The following PCNX2 variants were observed in gnomAD, a reference collection of about 807,000 sequenced individuals.
The protein encoded by PCNX2 is pecanex 2.
A neutral mutation model predicts 223.8 loss-of-function variants in PCNX2; 168 were observed. The ratio of observed to expected loss-of-function variants is 0.75; its 90% CI spans 0.66 to 0.85. PCNX2 has a LOEUF of 0.85. PCNX2 is among the 40% of genes least tolerant of loss of function. The pLI is 0.00. For synonymous variants in PCNX2, 1,006 were observed against 1,052.6 expected (o/e 0.96, Z 0.86); for missense variants, 2,507 against 2,675.5 (o/e 0.94, Z 1.39).
chr1:233,049,489 A>G (rs1368847964), intron 25 of PCNX2, among the ~76,000 whole-genome samples: 2 of 152,168 alleles, frequency 1.3e-5, no homozygotes, highest in Non-Finnish European at 2.9e-5. Context: ...ATACACCTCA[A>G]AATAATAAGA....
chr1:233,134,742 G>A (rs1418565538), intron 21 of PCNX2: 1 of 512,722 alleles, frequency 2.0e-6, no homozygotes, highest in African/African-American at 2.0e-5. Context: ...CTTACAATGA[G>A]ATTGTTAACA....
chr1:233,300,831 G>T, the PCNX2 span, among the ~76,000 whole-genome samples: 2 of 152,150 alleles, frequency 1.3e-5, no homozygotes, highest in Non-Finnish European at 2.9e-5. Context: ...GGTGTGCCCT[G>T]CCCACTGAGA....
chr1:233,108,413 T>C (rs1012474690), intron 21 of PCNX2, among the ~76,000 whole-genome samples: 1 of 152,084 alleles, frequency 6.6e-6, no homozygotes, highest in Non-Finnish European at 1.5e-5. Flanking sequence ...TTTTGGCCAG[T>C]GGAATCGATG....
In PCNX2 at chr1:233,227,361, T is replaced by C. The variant is rs1657802793; in HGVS notation, c.2369A>G (p.Gln790Arg). Residue 790 changes from glutamine to arginine, a missense_variant, in exon 10 of 34, where the codon CAG becomes CGG. Transcript: ENST00000258229. ...TQSETPRHVS[Q>R]DLEASSCSST... Reference sequence around the variant, plus strand: ...AGAACATGACGAGGCTTCCAGATCCTGACTCACATGCTTTTAGATACCAAA... The same window carrying C: ...AGAACATGACGAGGCTTCCAGATCCCGACTCACATGCTTTTAGATACCAAA... 7.4e-6 allele frequency: 12 copies of C among 1,612,758 alleles called. No homozygotes were observed. The highest frequency in any genetic ancestry group is 1.0e-5 in the Non-Finnish European group (12 of 1,179,342).
chr1:233,200,575 G>C (rs1274747442), intron 13 of PCNX2, among the ~76,000 whole-genome samples: 1 of 151,914 alleles, frequency 6.6e-6, no homozygotes, highest in Non-Finnish European at 1.5e-5. Context: ...AAGAAGTACT[G>C]ATGAAAGGAA....
intron 12 of PCNX2, chr1:233,211,660 G>T: frequency 2.1e-6 from 1 of 476,216 alleles, no homozygotes; most frequent in Non-Finnish European, 2.7e-6. Flanking sequence ...CAGCATGGCA[G>T]AGTAAGGACT....
chr1:233,259,941 A>G, intron 4 of PCNX2: 2 of 511,166 alleles, frequency 3.9e-6, no homozygotes, highest in East Asian at 1.5e-4. Flanking sequence ...TGTATTAGGT[A>G]TTATAAATAA....
Position 233,258,104 on chromosome 1 carries a change from A to G in PCNX2, c.1758T>C (p.Ile586=). The G allele has an allele frequency of 3.1e-6, 5 of 1,613,910 alleles. No homozygotes were observed. Among genetic ancestry groups the G allele is most frequent in the Non-Finnish European group, 4.2e-6 (5 of 1,179,832 alleles). Residue 586 remains isoleucine (I), a synonymous_variant, in exon 5 of 34, where the codon ATT becomes ATC. Transcript: ENST00000258229. ...TGGATGCCGTCATCTTGGAAGTATT[A>G]ATGGATTCTAACAGGGAGACAAATT... The part of the protein sequence containing the change: ...FLEFVSLLES[I]NTSKMTASSQ...
intron 9 of PCNX2, among the ~76,000 whole-genome samples, chr1:233,228,244 T>A (rs959435061): frequency 1.3e-5 from 2 of 152,162 alleles, no homozygotes; most frequent in Non-Finnish European, 1.5e-5. Flanking sequence ...CAGCTCCTCC[T>A]TCATTGTTTG....
rs1168909159 is a variant in PCNX2 at position 232,991,066 on chromosome 1, G to A, written c.5792-4526C>T. ...TCCACCGTGGGCTGCACTGTCCTAGGTGCCGGGCAGTGAGCAGCTCATGGG... is the reference window on the plus strand; with the variant it reads ...TCCACCGTGGGCTGCACTGTCCTAGATGCCGGGCAGTGAGCAGCTCATGGG... On this transcript the variant is annotated intron_variant, in intron 32 of 33. Transcript: ENST00000258229. This position sits in a 1 kb window ranked among gnomAD's most constrained non-coding sequence, Gnocchi z 4.3. 6.6e-6 allele frequency among the ~76,000 whole-genome samples: 1 copy of A among 152,194 alleles called. No homozygotes were observed. The highest frequency in any genetic ancestry group is 2.4e-5 in the African/African-American group (1 of 41,446).
chr1:233,139,744 A>G lies in PCNX2; in HGVS notation c.3629T>C (p.Leu1210Ser). ...ILNALTIDAF[L>S]ISNHRRLGTH... ...ACCAAGTCTCCGGTGATTGCTTATT[A>G]AAAATGCATCAATAGTGAGGGCATT... Residue 1210 changes from leucine to serine, a missense_variant, in exon 20 of 34, where the codon TTA becomes TCA. By Grantham distance (145) the Leu-to-Ser change is moderately radical. This residue lies in a region of PCNX2 where 1,372 missense variants were observed against 1,509.4 expected (regional missense o/e 0.91). Coordinates refer to ENST00000258229, the MANE Select transcript of PCNX2 (RefSeq NM_014801.4). The surrounding 1 kb of genome is among the most constrained non-coding windows in gnomAD (Gnocchi z 4.4). 6.2e-7 allele frequency: 1 copy of G among 1,608,458 alleles called. No individual in the cohort carries two copies. Among genetic ancestry groups the G allele is most frequent in the Non-Finnish European group, 8.5e-7 (1 of 1,177,036 alleles).
intron 8 of PCNX2, among the ~76,000 whole-genome samples, chr1:233,247,964 T>G (rs1572147984): frequency 6.6e-6 from 1 of 151,006 alleles, no homozygotes; most frequent in East Asian, 1.9e-4. Context: ...CAACACCCTG[T>G]CAAATAATGC....
the PCNX2 span, among the ~76,000 whole-genome samples, chr1:233,325,097 CTTA>C: frequency 2.0e-5 from 3 of 152,086 alleles, no homozygotes; most frequent in Non-Finnish European, 2.9e-5. Flanking sequence ...ACTTTTAAGT[CTTA>C]TTATTTAAGA....
intron 15 of PCNX2, among the ~76,000 whole-genome samples, chr1:233,187,637 C>T (rs758238580): frequency 6.6e-5 from 10 of 152,018 alleles, no homozygotes; most frequent in Non-Finnish European, 1.3e-4. Context: ...TGTTTTTTCC[C>T]CAAATCAGTG....
chr1:233,260,850 A>C (rs1660004260), intron 4 of PCNX2, among the ~76,000 whole-genome samples: 1 of 152,144 alleles, frequency 6.6e-6, no homozygotes, highest in Admixed American at 6.5e-5. Flanking sequence ...AAAATTGTTT[A>C]AGTTAAAAGA....
rs544519279 is a variant in PCNX2, at chr1:233,242,823, C to G, written c.2223-5843G>C. Among the ~76,000 whole-genome samples, 186 of 152,306 alleles carry G rather than the reference C, an allele frequency of 1.2e-3. 1 individual carries two copies. Among genetic ancestry groups the G allele is most frequent in the African/African-American group, 4.2e-3 (174 of 41,564 alleles). Reference sequence around the variant, plus strand: ...TAGGCAGATTAGCAATTCCAACTTTCTGGGCAAATTAGTTCATTTTGGCTC... The same window carrying G: ...TAGGCAGATTAGCAATTCCAACTTTGTGGGCAAATTAGTTCATTTTGGCTC... On this transcript the variant is annotated intron_variant, in intron 8 of 33. Coordinates refer to ENST00000258229, the MANE Select transcript of PCNX2 (RefSeq NM_014801.4).
chr1:233,299,559 G>GT (rs1456571452), upstream of PCNX2, among the ~76,000 whole-genome samples: 1 of 152,192 alleles, frequency 6.6e-6, no homozygotes, highest in Non-Finnish European at 1.5e-5. Flanking sequence ...AAGTAGTATT[G>GT]TTAGAAGCCA....
intron 15 of PCNX2, among the ~76,000 whole-genome samples, chr1:233,183,554 G>A (rs1404550937): frequency 6.6e-6 from 1 of 152,204 alleles, no homozygotes; most frequent in Non-Finnish European, 1.5e-5. Context: ...TCCTGACTAT[G>A]TGCTTCTCAT....
intron 23 of PCNX2, among the ~76,000 whole-genome samples, chr1:233,060,409 G>A (rs1274419536): frequency 2.0e-5 from 3 of 152,138 alleles, no homozygotes; most frequent in African/African-American, 7.2e-5. Context: ...CTAAAACTAT[G>A]TTCACTGGAA....
Sources: gnomAD v4.1 joint callset for allele counts (sites outside exome capture counted in the v4.1 genomes callset) on GRCh38, gnomAD v4.1.1 for gene constraint, gnomAD v4.1.1 regional missense constraint, Gnocchi (gnomAD v3.1) non-coding constraint, MANE v1.5 for transcripts, NCBI Gene and HGNC (gene_info 2026-07-23, HGNC 2026-07-21) for gene names.